Variants in RFT1 observed in about 807,000 individuals in gnomAD.
RFT1 encodes the protein man(5)GlcNAc(2)-PP-dolichol translocation protein RFT1.
RFT1 carries 43 observed loss-of-function variants against 62.2 expected under a neutral mutation model. The observed-to-expected ratio is 0.69, with a 90% CI of 0.54 to 0.89. RFT1 has a LOEUF of 0.89. Among genes scored for constraint, RFT1 ranks in the 40% least tolerant of loss-of-function variants. RFT1 has a pLI of 0.00. For synonymous variants in RFT1, 262 were observed against 264.6 expected (o/e 0.99, Z 0.10); for missense variants, 605 against 649.9 (o/e 0.93, Z 0.75).
chr3:53,105,523 G>A, intron 9 of RFT1, 150 bp downstream of exon 9: 1 of 955,848 alleles, frequency 1.0e-6, no homozygotes, highest in Admixed American at 1.9e-5. Flanking sequence ...TGAGCCCTGG[G>A]TCCCACTATC....
At chr3:53,092,686 C>T (rs1287562217) in intron 11 of RFT1, 68 bp from the exon 12 acceptor site, 39 of 1,540,210 alleles carry the variant, frequency 2.5e-5, no homozygotes, top group Admixed American at 1.2e-4. Flanking sequence ...CCCAAAACAG[C>T]GGCCATGAAC....
intron 6 of RFT1, among the ~76,000 whole-genome samples, chr3:53,112,731 A>G (rs1701687239): frequency 6.6e-6 from 1 of 152,220 alleles, no homozygotes; most frequent in South Asian, 2.1e-4. Context: ...TGACAGAGCG[A>G]AAATCTGGCT....
intron 10 of RFT1, among the ~76,000 whole-genome samples, 197 bp from the exon 11 acceptor site, chr3:53,099,683 A>C (rs1030321209): frequency 1.3e-5 from 2 of 152,182 alleles, no homozygotes; most frequent in African/African-American, 2.4e-5. Flanking sequence ...TGACTAAATA[A>C]TCAGCAAAAA....
chr3:53,121,855 T>G (rs1660667822), intron 4 of RFT1, 55 bp from the exon 5 acceptor site: 1 of 1,423,448 alleles, frequency 7.0e-7, no homozygotes, highest in African/African-American at 1.4e-5. Flanking sequence ...AGTCAAGATG[T>G]AATGGAATGA....
intron 7 of RFT1, among the ~76,000 whole-genome samples, chr3:53,107,681 T>C (rs376965420): frequency 3.6e-4 from 54 of 151,032 alleles, no homozygotes; most frequent in East Asian, 1.8e-3. Flanking sequence ...TGATTCAAAT[T>C]TAAGACAGTC....
At chr3:53,095,647 G>T (rs995082521) in intron 11 of RFT1, among the ~76,000 whole-genome samples, 3 of 151,848 alleles carry the variant, frequency 2.0e-5, no homozygotes, top group African/African-American at 4.8e-5. Flanking sequence ...AGCCTAAGAA[G>T]TCAGGCTGTA....
At chr3:53,072,312 G>A in the RFT1 span, among the ~76,000 whole-genome samples, 1 of 152,120 alleles carries the variant, frequency 6.6e-6, no homozygotes, top group Non-Finnish European at 1.5e-5. Context: ...CTTGCTGTAG[G>A]ACTTCAGTCA....
intron 1 of RFT1, among the ~76,000 whole-genome samples, chr3:53,129,823 T>C (rs1702209027): frequency 6.6e-6 from 1 of 152,158 alleles, no homozygotes; most frequent in Admixed American, 6.5e-5. Flanking sequence ...CGACATATTA[T>C]TACCCCCATT....
the RFT1 span, among the ~76,000 whole-genome samples, chr3:53,067,164 AAAAC>A: frequency 2.0e-5 from 3 of 152,116 alleles, no homozygotes; most frequent in Non-Finnish European, 2.9e-5. Context: ...CCTGTCTCTA[AAAAC>A]AAACAAACAA....
intron 7 of RFT1, among the ~76,000 whole-genome samples, chr3:53,108,962 C>T (rs1701571475): frequency 6.6e-6 from 1 of 152,180 alleles, no homozygotes; most frequent in Non-Finnish European, 1.5e-5. Flanking sequence ...AGCCACCGTG[C>T]CGGGCCAAAA....
intron 2 of RFT1, among the ~76,000 whole-genome samples, 156 bp downstream of exon 2, chr3:53,125,753 C>T (rs1702090882): frequency 6.6e-6 from 1 of 152,252 alleles, no homozygotes; most frequent in African/African-American, 2.4e-5. Context: ...CGTCCCTCCA[C>T]TCCTGCACGC....
intron 8 of RFT1, among the ~76,000 whole-genome samples, chr3:53,106,426 TTGA>T (rs1319104433): frequency 1.3e-5 from 2 of 152,174 alleles, no homozygotes; most frequent in African/African-American, 4.8e-5. Context: ...TAATGCAAAG[TTGA>T]TGTTTTTCTA....
chr3:53,124,603 G>C (rs764457362), intron 2 of RFT1, among the ~76,000 whole-genome samples: 3 of 152,174 alleles, frequency 2.0e-5, no homozygotes, highest in Admixed American at 6.5e-5. Context: ...TCTCAGGAAG[G>C]CTGCCTGGGG....
the RFT1 span, among the ~76,000 whole-genome samples, chr3:53,069,046 T>A: frequency 6.6e-6 from 1 of 152,234 alleles, no homozygotes; most frequent in African/African-American, 2.4e-5. Context: ...TTCATGCGAT[T>A]CTCCTGCCTC....
chr3:53,086,948 G>C (rs572582423), downstream of RFT1, among the ~76,000 whole-genome samples: 1 of 152,210 alleles, frequency 6.6e-6, no homozygotes, highest in African/African-American at 2.4e-5. Flanking sequence ...GTGTAAATAT[G>C]TGAAGGAGGC....
Position 53,095,514 on chromosome 3 carries a change from C to G in RFT1, c.1209-2896G>C, listed in dbSNP as rs116525912. On this transcript the variant is annotated intron_variant, in intron 11 of 12. Transcript: ENST00000296292. Reference sequence around the variant, plus strand: ...ATCGCTTGAGCCCAGGAGTTGGAGACCAGCCTGGGAAACATGGTGCCCAGA... The same window carrying G: ...ATCGCTTGAGCCCAGGAGTTGGAGAGCAGCCTGGGAAACATGGTGCCCAGA... 9.0e-3 allele frequency among the ~76,000 whole-genome samples: 1,370 copies of G among 152,150 alleles called. 16 individuals are homozygous for G. Among genetic ancestry groups the G allele is most frequent in the African/African-American group, 0.032 (1,308 of 41,492 alleles).
chr3:53,067,108 G>A, the RFT1 span, among the ~76,000 whole-genome samples: 1 of 152,180 alleles, frequency 6.6e-6, no homozygotes, highest in Non-Finnish European at 1.5e-5. Flanking sequence ...CGGGCGGAGC[G>A]CTTGAGCCTA....
At chr3:53,106,201 C>G (rs1701468543) in intron 8 of RFT1, among the ~76,000 whole-genome samples, 1 of 151,846 alleles carries the variant, frequency 6.6e-6, no homozygotes. Flanking sequence ...CCACTGCACT[C>G]CAGCCTGGGC....
chr3:53,106,145 A>G (rs912170229), intron 8 of RFT1, among the ~76,000 whole-genome samples: 1 of 152,094 alleles, frequency 6.6e-6, no homozygotes, highest in Non-Finnish European at 1.5e-5. Flanking sequence ...AGGTGGGAGG[A>G]TCACCCAAGC....
Sources: allele counts gnomAD v4.1 joint callset (sites outside exome capture counted in the v4.1 genomes callset), GRCh38; gene constraint gnomAD v4.1.1; transcripts MANE v1.5; gene names NCBI Gene and HGNC (gene_info 2026-07-23, HGNC 2026-07-21).